SYNDIG1L: variants seen among roughly 807,000 people sequenced by gnomAD.
SYNDIG1L encodes the protein synapse differentiation-inducing gene protein 1-like.
A neutral mutation model predicts 20.1 loss-of-function variants in SYNDIG1L; 13 were observed. The observed-to-expected ratio is 0.65, with a 90% CI of 0.42 to 1.03. The LOEUF (loss-of-function observed/expected upper bound fraction) is 1.03, where lower values mean the gene tolerates loss of function less well. SYNDIG1L is among the 50% of genes least tolerant of loss of function. The pLI, the probability that SYNDIG1L is intolerant of heterozygous loss-of-function variation, is 0.00. For synonymous variants in SYNDIG1L, 128 were observed against 129.3 expected, an observed-to-expected ratio of 0.99 and a Z score of 0.07; for missense variants, 294 against 305.1, an observed-to-expected ratio of 0.96 and a Z score of 0.27.
intron 1 of SYNDIG1L, among the ~76,000 whole-genome samples, chr14:74,414,012 C>T (rs1450188027): frequency 6.6e-6 from 1 of 152,252 alleles, no homozygotes; most frequent in Non-Finnish European, 1.5e-5. Flanking sequence ...GGTCCCCAGA[C>T]ACAGCCTTCC....
the SYNDIG1L span, among the ~76,000 whole-genome samples, chr14:74,472,976 G>A: frequency 4.6e-5 from 7 of 152,068 alleles, no homozygotes; most frequent in Admixed American, 6.6e-5. Flanking sequence ...CACTAGGGTC[G>A]GGACATCACC....
intron 1 of SYNDIG1L, among the ~76,000 whole-genome samples, chr14:74,424,431 G>A (rs1006502142): frequency 3.3e-5 from 5 of 152,026 alleles, no homozygotes; most frequent in Non-Finnish European, 7.4e-5. Flanking sequence ...TGCTGTTGGG[G>A]AGGGGGTCAT....
Position 74,407,645 on chromosome 14 carries a change from A to T in SYNDIG1L, c.607T>A (p.Ser203Thr). The T allele has an allele frequency of 6.2e-7, 1 of 1,613,626 alleles. No homozygotes were observed. The highest frequency in any genetic ancestry group is 8.5e-7 in the Non-Finnish European group (1 of 1,179,830). ...KGDFRLASTT[S>T]RRALFLATLA... ...GTGGCTAGGAAGAGGGCCCGGCGGG[A>T]GGTGGTGCTGGCCAGGCGGAAGTCC... The change falls in exon 4 of 4, where the codon TCC becomes ACC. Residue 203 changes from serine (S) to threonine (T), a missense_variant. Transcript: ENST00000331628.
chr14:74,444,323 G>C, the SYNDIG1L span, among the ~76,000 whole-genome samples: 2 of 151,906 alleles, frequency 1.3e-5, no homozygotes, highest in African/African-American at 2.4e-5. Context: ...GCCTCCCAAA[G>C]TGCTGAGATT....
At chr14:74,452,134 A>G in the SYNDIG1L span, among the ~76,000 whole-genome samples, 1 of 152,242 alleles carries the variant, frequency 6.6e-6, no homozygotes, top group African/African-American at 2.4e-5. Context: ...GATACTTAAC[A>G]TCATTAGTCA....
chr14:74,447,460 G>A, the SYNDIG1L span, among the ~76,000 whole-genome samples: 7 of 152,036 alleles, frequency 4.6e-5, no homozygotes, highest in East Asian at 1.9e-4. Flanking sequence ...GGTGGCGCAC[G>A]CCTGTAATCC....
the SYNDIG1L span, chr14:74,479,555 T>C: frequency 6.6e-6 from 1 of 152,544 alleles, no homozygotes; most frequent in Non-Finnish European, 1.5e-5. Flanking sequence ...ACTTCACATT[T>C]CATTTTTAAG....
the SYNDIG1L span, among the ~76,000 whole-genome samples, chr14:74,447,578 C>T: frequency 8.8e-6 from 1 of 113,528 alleles, no homozygotes. Flanking sequence ...AAGAGCAAAA[C>T]TCTGTCTCAA....
the SYNDIG1L span, among the ~76,000 whole-genome samples, chr14:74,432,790 G>A: frequency 6.6e-6 from 1 of 152,028 alleles, no homozygotes; most frequent in Non-Finnish European, 1.5e-5. Context: ...GGAGGTGGAG[G>A]TTGCAGTGAG....
chr14:74,472,631 G>A, the SYNDIG1L span, among the ~76,000 whole-genome samples: 36,085 of 152,122 alleles, frequency 0.24, 4,884 homozygotes, highest in African/African-American at 0.37. Context: ...AAGGGAGAGA[G>A]CAGAGTGCTA....
At chr14:74,424,155 T>C (rs1401945894) in intron 1 of SYNDIG1L, among the ~76,000 whole-genome samples, 1 of 152,170 alleles carries the variant, frequency 6.6e-6, no homozygotes, top group Non-Finnish European at 1.5e-5. Context: ...TCAAGCAGAA[T>C]TGAGGGGTTT....
chr14:74,428,309 C>T (rs899998655), upstream of SYNDIG1L, among the ~76,000 whole-genome samples: 1 of 152,216 alleles, frequency 6.6e-6, no homozygotes, highest in African/African-American at 2.4e-5. Context: ...CTAACCTTTA[C>T]CTCTCACAAG....
chr14:74,408,362 G>A (rs1385081016), intron 2 of SYNDIG1L, among the ~76,000 whole-genome samples: 1 of 152,012 alleles, frequency 6.6e-6, no homozygotes, highest in Non-Finnish European at 1.5e-5. Context: ...TCAGGAGTTC[G>A]AGGCCAGCCT....
chr14:74,459,013 T>C, the SYNDIG1L span, among the ~76,000 whole-genome samples: 2 of 152,020 alleles, frequency 1.3e-5, no homozygotes, highest in South Asian at 4.1e-4. Context: ...GCACAGCATC[T>C]TGGAGGTTGG....
chr14:74,471,113 A>C, the SYNDIG1L span, among the ~76,000 whole-genome samples: 2 of 152,144 alleles, frequency 1.3e-5, no homozygotes, highest in African/African-American at 4.8e-5. Flanking sequence ...TGGAAGCTAA[A>C]TGTTCTTCGT....
At chr14:74,417,659 C>A (rs2139627418) in intron 1 of SYNDIG1L, among the ~76,000 whole-genome samples, 1 of 152,282 alleles carries the variant, frequency 6.6e-6, no homozygotes, top group Middle Eastern at 3.4e-3. Context: ...TGGATTTGAC[C>A]CAGGTTTGAT....
At chr14:74,454,406 GT>G in the SYNDIG1L span, among the ~76,000 whole-genome samples, 1 of 152,178 alleles carries the variant, frequency 6.6e-6, no homozygotes, top group Non-Finnish European at 1.5e-5. Context: ...TGCCAGGTCT[GT>G]CCCGCAGACC....
chr14:74,468,963 C>T, the SYNDIG1L span, among the ~76,000 whole-genome samples: 1 of 152,168 alleles, frequency 6.6e-6, no homozygotes, highest in Non-Finnish European at 1.5e-5. Flanking sequence ...TGGTCTATGA[C>T]AGGATTGGTA....
chr14:74,422,074 T>C (rs1329253489), intron 1 of SYNDIG1L, among the ~76,000 whole-genome samples: 2 of 152,150 alleles, frequency 1.3e-5, no homozygotes. Context: ...AAATCTTTTT[T>C]CTCACTGAAA....
Sources: gnomAD v4.1 joint callset for allele counts (sites outside exome capture counted in the v4.1 genomes callset) on GRCh38, gnomAD v4.1.1 for gene constraint, MANE v1.5 for transcripts, NCBI Gene and HGNC (gene_info 2026-07-23, HGNC 2026-07-21) for gene names.